Variants in KIF1B observed in about 807,000 individuals in gnomAD.
The protein encoded by KIF1B is kinesin-like protein KIF1B.
A neutral mutation model predicts 241.9 loss-of-function variants in KIF1B; 76 were observed. That is an observed-to-expected ratio of 0.31 (90% CI 0.26 to 0.38). KIF1B has a LOEUF of 0.38. Ranked by LOEUF, KIF1B falls within the 10% of genes least tolerant of loss-of-function variation. KIF1B has a pLI of 1.00. For missense variants in KIF1B, 1,622 were observed against 2,271.4 expected (o/e 0.71, Z 5.81); for synonymous variants, 750 against 796.7 (o/e 0.94, Z 0.99).
chr1:10,349,890 T>C (rs925499671), intron 37 of KIF1B, among the ~76,000 whole-genome samples: 1 of 152,238 alleles, frequency 6.6e-6, no homozygotes, highest in Admixed American at 6.5e-5. Context: ...ACCGATAATA[T>C]TGAAATACAG....
intron 15 of KIF1B, 152 bp downstream of exon 15, chr1:10,282,685 T>C: frequency 1.4e-6 from 1 of 728,396 alleles, no homozygotes; most frequent in Non-Finnish European, 2.4e-6. Context: ...CTTTGTAAGT[T>C]AATTTCTTTT....
chr1:10,380,995 A>T lies in KIF1B; in HGVS notation c.*4408A>T, dbSNP rs1639007889. 1.3e-5 allele frequency: 3 copies of T among 223,490 alleles called. No individual in the cohort carries two copies. The highest frequency in any genetic ancestry group is 2.7e-5 in the Non-Finnish European group (3 of 112,070). 13.8% of individuals were successfully genotyped at this position (223,490 alleles called of 1,614,324 possible). A position where few individuals can be genotyped will look rare whatever the true frequency, so the allele number is the denominator to read the frequency against. ...AAGCCTCCAATCATTTAAAGGAAGA[A>T]ATCAGAGTTGCTATAAAATTCAGTA... On this transcript the variant is annotated 3_prime_UTR_variant, in exon 49 of 49. Coordinates refer to ENST00000676179, the MANE Select transcript of KIF1B (RefSeq NM_001365951.3).
intron 2 of KIF1B, among the ~76,000 whole-genome samples, chr1:10,250,842 T>C (rs1232361045): frequency 6.6e-6 from 1 of 150,934 alleles, no homozygotes. Context: ...ACAAATGGAT[T>C]AGTTGTTGAT....
Position 10,376,613 on chromosome 1 carries a change from G to T in KIF1B, c.*26G>T. ...GTGACTCTGCCGAGTGCCCTCACTC[G>T]CCTTCGAGAGATAAAGAAAGCGTTA... is the stretch of plus-strand genomic sequence containing the variant. On this transcript the variant is annotated 3_prime_UTR_variant, in exon 49 of 49. Coordinates refer to ENST00000676179, the MANE Select transcript of KIF1B (RefSeq NM_001365951.3). 6.2e-7 allele frequency: 1 copy of T among 1,608,964 alleles called. No homozygotes were observed. The highest frequency in any genetic ancestry group is 1.3e-5 in the African/African-American group (1 of 74,906).
At chr1:10,214,549 A>G (rs1227158302) in intron 1 of KIF1B, among the ~76,000 whole-genome samples, 2 of 149,848 alleles carry the variant, frequency 1.3e-5, no homozygotes, top group African/African-American at 2.5e-5. Context: ...TGGCCTCCCA[A>G]AGTGCTGGGA....
At chr1:10,244,641 C>G (rs1242691025) in intron 2 of KIF1B, among the ~76,000 whole-genome samples, 1 of 94,876 alleles carries the variant, frequency 1.1e-5, no homozygotes, top group African/African-American at 4.1e-5. Context: ...GAGACGGAGT[C>G]TTGCTCTGTC....
chr1:10,375,603 T>G (rs1041731194), intron 48 of KIF1B, among the ~76,000 whole-genome samples: 2 of 152,000 alleles, frequency 1.3e-5, no homozygotes, highest in African/African-American at 4.8e-5. Context: ...CAGGCTGGTC[T>G]CAAACTCCTG....
At chr1:10,351,778 C>T (rs1222060659) in intron 37 of KIF1B, among the ~76,000 whole-genome samples, 4 of 151,956 alleles carry the variant, frequency 2.6e-5, no homozygotes, top group South Asian at 2.1e-4. Context: ...CCAGCCTGAG[C>T]GACATAGTGG....
chr1:10,360,244 A>G (rs1420180322), intron 38 of KIF1B, among the ~76,000 whole-genome samples: 4 of 152,140 alleles, frequency 2.6e-5, no homozygotes, highest in Non-Finnish European at 5.9e-5. Flanking sequence ...TGCTGTCATC[A>G]TTAACTGACA....
At chr1:10,338,921 T>C (rs908766070) in intron 31 of KIF1B, among the ~76,000 whole-genome samples, 7 of 152,216 alleles carry the variant, frequency 4.6e-5, no homozygotes, top group African/African-American at 1.7e-4. Context: ...AGACAACAAG[T>C]TCATATTACC....
Position 10,334,400 on chromosome 1 carries a change from G to C in KIF1B, c.2925-120G>C, listed in dbSNP as rs1652082878. 6.2e-6 allele frequency: 5 copies of C among 812,142 alleles called. No individual in the cohort carries two copies. The Admixed American group carries it at 6.9e-5, about 11-fold the overall frequency. The allele number at this position is 812,142 out of a possible 1,614,324, so 50.3% of individuals were successfully genotyped here. On this transcript the variant is annotated intron_variant, in intron 27 of 48. Transcript: ENST00000676179. The stretch of plus-strand genomic sequence containing the variant: ...ATCTGAGAGGCTAGGACTGAGAAGG[G>C]GTCTTAAGACAAGGCCAGAAGTCAG...
Position 10,320,760 on chromosome 1 carries a change from C to G in KIF1B, c.2209+624C>G, listed in dbSNP as rs572825904. Among the ~76,000 whole-genome samples the G allele has an allele frequency of 7.9e-5, 12 of 152,026 alleles. No individual in the cohort carries two copies. The South Asian group carries it at 8.3e-4, about 11-fold the overall frequency. ...TTTATTTTTGAGACAGAGTTTTGCTCTTGTCGCCCACGCTGGAGTGCAATG... is the reference window on the plus strand; with the variant it reads ...TTTATTTTTGAGACAGAGTTTTGCTGTTGTCGCCCACGCTGGAGTGCAATG... On this transcript the variant is annotated intron_variant, in intron 23 of 48. Transcript: ENST00000676179.
chr1:10,313,663 G>A (rs1332643508), intron 22 of KIF1B, among the ~76,000 whole-genome samples: 3 of 145,060 alleles, frequency 2.1e-5, no homozygotes, highest in South Asian at 4.3e-4. Flanking sequence ...CCATTCTCCT[G>A]CCTCAGGCTC....
intron 27 of KIF1B, among the ~76,000 whole-genome samples, chr1:10,331,624 C>T (rs564754902): frequency 6.6e-6 from 1 of 152,350 alleles, no homozygotes; most frequent in East Asian, 1.9e-4. Flanking sequence ...AATACCCAGT[C>T]TATCCTCCTC....
At chr1:10,362,601 T>G (rs1638455123) in intron 40 of KIF1B, among the ~76,000 whole-genome samples, 1 of 152,010 alleles carries the variant, frequency 6.6e-6, no homozygotes, top group African/African-American at 2.4e-5. Flanking sequence ...GTATTATACC[T>G]CCTACTACTC....
Position 10,210,614 on chromosome 1 carries a change from C to G in KIF1B, c.-344C>G, listed in dbSNP as rs912360901. Among the ~76,000 whole-genome samples, 1 of 151,840 alleles carries G rather than the reference C, an allele frequency of 6.6e-6. No individual in the cohort carries two copies. Among genetic ancestry groups the G allele is most frequent in the Non-Finnish European group, 1.5e-5 (1 of 67,892 alleles). On this transcript the variant is annotated 5_prime_UTR_variant, in exon 1 of 49. Transcript: ENST00000676179. This position sits in a 1 kb window ranked among gnomAD's most constrained non-coding sequence, Gnocchi z 4.1. ...TGGGAGGCGCCCGCGCGCGTCGGAG[C>G]AGCTCCCCGTCCTCCGCAGCCGTCA...
chr1:10,252,821 G>A (rs551070335), intron 2 of KIF1B, among the ~76,000 whole-genome samples: 1 of 151,964 alleles, frequency 6.6e-6, no homozygotes, highest in South Asian at 2.1e-4. Flanking sequence ...TCGGGTTCAA[G>A]CAATTCTCCT....
At chr1:10,232,077 C>T (rs570735978) in intron 1 of KIF1B, among the ~76,000 whole-genome samples, 173 bp from the exon 2 acceptor site, 1 of 151,948 alleles carries the variant, frequency 6.6e-6, no homozygotes, top group Non-Finnish European at 1.5e-5. Context: ...AAGACCCCAT[C>T]TCTTAAAAAA....
intron 1 of KIF1B, among the ~76,000 whole-genome samples, chr1:10,222,622 G>A (rs530148124): frequency 1.3e-5 from 2 of 152,260 alleles, no homozygotes; most frequent in South Asian, 2.1e-4. Flanking sequence ...CTTATAATCC[G>A]AAGTGCCTTT....
Sources: gnomAD v4.1 joint callset for allele counts (sites outside exome capture counted in the v4.1 genomes callset) on GRCh38, gnomAD v4.1.1 for gene constraint, Gnocchi (gnomAD v3.1) non-coding constraint, MANE v1.5 for transcripts, NCBI Gene and HGNC (gene_info 2026-07-23, HGNC 2026-07-21) for gene names.